Variants in CACNA1D observed in about 807,000 individuals in gnomAD.
CACNA1D encodes the protein voltage-dependent L-type calcium channel subunit alpha-1D.
A neutral mutation model predicts 257.1 loss-of-function variants in CACNA1D; 55 were observed. That is an observed-to-expected ratio of 0.21 (90% confidence interval 0.17 to 0.27). The LOEUF is 0.27. CACNA1D is among the 10% of genes least tolerant of loss of function. CACNA1D has a pLI of 1.00. For missense variants in CACNA1D, 1,876 were observed against 2,784.0 expected (o/e 0.67, Z 7.34); for synonymous variants, 980 against 1,014.9 (o/e 0.97, Z 0.65).
intron 3 of CACNA1D, among the ~76,000 whole-genome samples, chr3:53,584,679 T>G (rs755399238): frequency 3.3e-5 from 5 of 152,232 alleles, no homozygotes; most frequent in Non-Finnish European, 7.3e-5. Context: ...AACTGTAAGT[T>G]CCTTGAAGGT....
At chr3:53,719,031 G>T (rs2248381) in intron 10 of CACNA1D, among the ~76,000 whole-genome samples, 8 of 151,278 alleles carry the variant, frequency 5.3e-5, no homozygotes, top group South Asian at 2.1e-4. Flanking sequence ...CTGGCGGGGG[G>T]GCTGGGGGGG....
chr3:53,505,049 C>A (rs956576239), intron 3 of CACNA1D, among the ~76,000 whole-genome samples: 1 of 151,884 alleles, frequency 6.6e-6, no homozygotes, highest in African/African-American at 2.4e-5. Flanking sequence ...GCCCATGGCC[C>A]ATGTCTCTCT....
intron 33 of CACNA1D, chr3:53,773,252 GCCGTCGCGGGA>G: frequency 8.9e-6 from 3 of 336,768 alleles, no homozygotes; most frequent in South Asian, 3.3e-5. Flanking sequence ...TCTGTGCCGA[GCCGTCGCGGGA>G]ACAGAAGGCT....
At chr3:53,733,254 A>G (rs1025754288) in intron 19 of CACNA1D, among the ~76,000 whole-genome samples, 1 of 152,198 alleles carries the variant, frequency 6.6e-6, no homozygotes, top group African/African-American at 2.4e-5. Context: ...GGGGACAGCA[A>G]TGGGGAAAGC....
intron 9 of CACNA1D, among the ~76,000 whole-genome samples, chr3:53,709,845 C>A (rs897930902): frequency 1.3e-5 from 2 of 152,324 alleles, no homozygotes; most frequent in South Asian, 4.1e-4. Context: ...CTTACAACAA[C>A]CTTACGCAGT....
At chr3:53,635,677 G>A (rs1380877062) in intron 3 of CACNA1D, among the ~76,000 whole-genome samples, 26 of 152,104 alleles carry the variant, frequency 1.7e-4, no homozygotes, top group Admixed American at 1.7e-3. Flanking sequence ...GCCACTCTGG[G>A]ATTTGTGAGT....
chr3:53,690,104 T>C (rs988645494), intron 8 of CACNA1D, among the ~76,000 whole-genome samples: 1 of 152,178 alleles, frequency 6.6e-6, no homozygotes, highest in Non-Finnish European at 1.5e-5. Flanking sequence ...TTTCTCAAAA[T>C]TTACACAGCT....
intron 29 of CACNA1D, among the ~76,000 whole-genome samples, chr3:53,755,334 A>C (rs2095256719): frequency 1.3e-5 from 2 of 151,858 alleles, no homozygotes; most frequent in African/African-American, 4.8e-5. Context: ...TGTGTGTGTC[A>C]GTGTGTGTGT....
At chr3:53,712,590 A>G (rs1320927976) in intron 9 of CACNA1D, among the ~76,000 whole-genome samples, 1 of 151,996 alleles carries the variant, frequency 6.6e-6, no homozygotes, top group Non-Finnish European at 1.5e-5. Context: ...CCTGTACGTC[A>G]TGGTACTGCT....
At chr3:53,758,631 G>A (rs1201036577) in intron 29 of CACNA1D, among the ~76,000 whole-genome samples, 1 of 152,194 alleles carries the variant, frequency 6.6e-6, no homozygotes, top group African/African-American at 2.4e-5. Flanking sequence ...TCTGGTTTAT[G>A]ATTTTAAATT....
intron 3 of CACNA1D, among the ~76,000 whole-genome samples, chr3:53,505,107 G>A (rs150831030): frequency 1.8e-5 from 2 of 111,746 alleles, no homozygotes; most frequent in African/African-American, 3.5e-5. Flanking sequence ...CTTTTTATTT[G>A]TTTATTTGTT....
At chr3:53,517,507 A>G (rs1230350484) in intron 3 of CACNA1D, among the ~76,000 whole-genome samples, 3 of 148,730 alleles carry the variant, frequency 2.0e-5, no homozygotes, top group East Asian at 3.9e-4. Flanking sequence ...TTTTTTAGAC[A>G]GAGTCTCACT....
At chr3:53,799,461 C>T in intron 40 of CACNA1D, among the ~76,000 whole-genome samples, 1 of 152,206 alleles carries the variant, frequency 6.6e-6, no homozygotes, top group East Asian at 1.9e-4. Flanking sequence ...AGGGGAGATG[C>T]AGAGTATCTG....
At position 53,665,657 on chromosome 3, in the gene CACNA1D, T is replaced by C; in HGVS notation, c.767-3T>C. 6.2e-7 allele frequency: 1 copy of C among 1,612,370 alleles called. No individual in the cohort carries two copies. Among genetic ancestry groups the C allele is most frequent in the Non-Finnish European group, 8.5e-7 (1 of 1,178,506 alleles). The stretch of plus-strand genomic sequence containing the variant: ...CAAACTTATTTTTTTTTGTCTTTCC[T>C]AGGTTTACAAGTTGTCCTGAACTCC... On this transcript the variant is annotated splice_region_variant and splice_polypyrimidine_tract_variant and intron_variant, in intron 5 of 47. Coordinates refer to ENST00000350061, the MANE Select transcript of CACNA1D (RefSeq NM_001128840.3).
intron 3 of CACNA1D, among the ~76,000 whole-genome samples, chr3:53,565,527 C>A (rs888633011): frequency 6.6e-6 from 1 of 152,090 alleles, no homozygotes; most frequent in Non-Finnish European, 1.5e-5. Context: ...GCTTTTGATT[C>A]TTGTTAAATG....
chr3:53,741,092 G>T (rs1576521461), intron 21 of CACNA1D, among the ~76,000 whole-genome samples: 1 of 152,146 alleles, frequency 6.6e-6, no homozygotes, highest in Admixed American at 6.5e-5. Flanking sequence ...CTTGTGGTTT[G>T]TGGACTGACT....
Position 53,808,788 on chromosome 3 carries a change from C to T in CACNA1D, c.5871+18C>T, listed in dbSNP as rs746989822. 240 of 1,603,904 alleles carry T rather than the reference C, an allele frequency of 1.5e-4. No homozygotes were observed. Among genetic ancestry groups the T allele is most frequent in the Non-Finnish European group, 1.9e-4 (228 of 1,179,840 alleles). On this transcript the variant is annotated intron_variant, in intron 46 of 47. Transcript: ENST00000350061. The stretch of plus-strand genomic sequence containing the variant: ...AGCAACAGGTGAGCGGCCCACCTGG[C>T]CTTGCCCCCACACCTAGGGGCACCC...
intron 14 of CACNA1D, 101 bp downstream of exon 14, chr3:53,724,100 T>C: frequency 2.1e-6 from 2 of 958,678 alleles, no homozygotes; most frequent in South Asian, 2.7e-5. Flanking sequence ...AAGGACTCCA[T>C]TTTTGTTCAT....
chr3:53,611,502 G>A (rs969083015), intron 3 of CACNA1D, among the ~76,000 whole-genome samples: 1 of 152,086 alleles, frequency 6.6e-6, no homozygotes, highest in African/African-American at 2.4e-5. Flanking sequence ...CTTGATTTTA[G>A]TGAGAGGTTT....
Sources: allele counts gnomAD v4.1 joint callset (sites outside exome capture counted in the v4.1 genomes callset), GRCh38; gene constraint gnomAD v4.1.1; transcripts MANE v1.5; gene names NCBI Gene and HGNC (gene_info 2026-07-23, HGNC 2026-07-21).